Variants in COL25A1 observed in about 807,000 individuals in gnomAD.
COL25A1 encodes the protein collagen alpha-1(XXV) chain.
In COL25A1, 103 loss-of-function variants were observed where a neutral mutation model predicts 128.4. That is an observed-to-expected ratio of 0.80 (90% CI 0.68 to 0.94). The LOEUF is 0.94. COL25A1 is among the 40% of genes least tolerant of loss of function. The probability of loss-of-function intolerance (pLI) is 0.00; values close to 1 mark genes in which losing one functional copy is unlikely to be tolerated. For missense variants in COL25A1, 745 were observed against 840.0 expected, an observed-to-expected ratio of 0.89 and a Z score of 1.40; for synonymous variants, 279 against 277.2, an observed-to-expected ratio of 1.01 and a Z score of -0.06.
At chr4:108,990,336 A>G (rs1366057575) in intron 6 of COL25A1, among the ~76,000 whole-genome samples, 1 of 148,602 alleles carries the variant, frequency 6.7e-6, no homozygotes, top group East Asian at 2.0e-4. Context: ...ATACATCACA[A>G]AATTTAAAAG....
intron 32 of COL25A1, among the ~76,000 whole-genome samples, chr4:108,829,134 T>A (rs1180237018): frequency 6.6e-6 from 1 of 152,206 alleles, no homozygotes; most frequent in Non-Finnish European, 1.5e-5. Flanking sequence ...AGAAGGGAAT[T>A]TCCTTAATTT....
intron 6 of COL25A1, among the ~76,000 whole-genome samples, chr4:108,985,890 T>A (rs368654181): frequency 6.6e-6 from 1 of 152,232 alleles, no homozygotes; most frequent in Admixed American, 6.5e-5. Context: ...AGCCAACATA[T>A]ACTATCATCA....
intron 3 of COL25A1, among the ~76,000 whole-genome samples, chr4:109,166,953 T>C (rs1258084987): frequency 6.6e-6 from 1 of 152,178 alleles, no homozygotes; most frequent in African/African-American, 2.4e-5. Flanking sequence ...AAAGTACTTA[T>C]AGGGTGGTGG....
At chr4:109,183,522 A>T (rs999636785) in intron 3 of COL25A1, among the ~76,000 whole-genome samples, 1 of 152,148 alleles carries the variant, frequency 6.6e-6, no homozygotes, top group African/African-American at 2.4e-5. Context: ...CCATACTCCA[A>T]GTGATTTCAA....
At chr4:109,061,849 A>G (rs1361504718) in intron 3 of COL25A1, among the ~76,000 whole-genome samples, 3 of 152,200 alleles carry the variant, frequency 2.0e-5, no homozygotes, top group African/African-American at 7.2e-5. Flanking sequence ...GTTTCCCCAT[A>G]TGATTTCATA....
rs70949064 is a variant in COL25A1 at position 109,020,506 on chromosome 4, TGGGG to T, written c.421-10135_421-10132del. 2.4e-3 allele frequency among the ~76,000 whole-genome samples: 294 copies of T among 123,918 alleles called. 6 individuals are homozygous for T. Among genetic ancestry groups the T allele is most frequent in the African/African-American group, 7.3e-3 (248 of 33,792 alleles). The allele number at this position is 123,918 out of a possible 152,430, so 81.3% of individuals were successfully genotyped here. A position where few individuals can be genotyped will look rare whatever the true frequency, so the allele number is the denominator to read the frequency against. On this transcript the variant is annotated intron_variant, in intron 5 of 37. Coordinates refer to ENST00000399132, the MANE Select transcript of COL25A1 (RefSeq NM_198721.4). Reference sequence around the variant, plus strand: ...GCAAGAATGAGCATGGAGATTATTATGGGGGGGGGGGGGTTCAACATAAAAAACA... The same window carrying T: ...GCAAGAATGAGCATGGAGATTATTATGGGGGGGGGTTCAACATAAAAAACA...
intron 34 of COL25A1, among the ~76,000 whole-genome samples, chr4:108,824,513 T>C (rs113234143): frequency 5.3e-5 from 8 of 152,316 alleles, no homozygotes; most frequent in Admixed American, 2.0e-4. Context: ...TTGTGCAGAT[T>C]TGGGCAAATC....
rs949836235 is a variant in COL25A1 at position 109,204,045 on chromosome 4, A to G, written c.367+96538T>C. Among the ~76,000 whole-genome samples the G allele has an allele frequency of 4.6e-5, 7 of 152,280 alleles. No individual in the cohort carries two copies. The East Asian group carries it at 1.4e-3, about 29-fold the overall frequency. On this transcript the variant is annotated intron_variant, in intron 3 of 37. Coordinates refer to ENST00000399132, the MANE Select transcript of COL25A1 (RefSeq NM_198721.4). ...AAAACTTATAATACACACTTTTTAA[A>G]ATAAAAAAGTAGTTCTGCAAGCTTA...
intron 3 of COL25A1, among the ~76,000 whole-genome samples, chr4:109,174,660 C>T (rs1384203337): frequency 6.6e-6 from 1 of 152,162 alleles, no homozygotes; most frequent in Non-Finnish European, 1.5e-5. Context: ...TCCCATGTTG[C>T]GTTATTGTGT....
intron 3 of COL25A1, among the ~76,000 whole-genome samples, chr4:109,282,379 C>T (rs747679322): frequency 6.6e-6 from 1 of 151,990 alleles, no homozygotes; most frequent in African/African-American, 2.4e-5. Context: ...CAATGTTTTC[C>T]CCTCTATGGC....
At chr4:109,062,969 A>G (rs1042038740) in intron 3 of COL25A1, among the ~76,000 whole-genome samples, 36 of 152,248 alleles carry the variant, frequency 2.4e-4, no homozygotes, top group Admixed American at 5.2e-4. Context: ...TTTTAAGTCA[A>G]AGAATAGCCA....
chr4:108,862,652 CTT>C, intron 21 of COL25A1, 107 bp from the exon 22 acceptor site: 1 of 902,468 alleles, frequency 1.1e-6, no homozygotes, highest in Admixed American at 1.9e-5. Context: ...AATGGAAACA[CTT>C]TATTTTAACT....
intron 32 of COL25A1, among the ~76,000 whole-genome samples, chr4:108,831,622 A>T (rs1733110291): frequency 6.6e-6 from 1 of 152,108 alleles, no homozygotes; most frequent in South Asian, 2.1e-4. Flanking sequence ...ACACACAAAA[A>T]TAATTCTAAG....
chr4:109,154,389 C>T (rs1296408858), intron 3 of COL25A1, among the ~76,000 whole-genome samples: 1 of 152,192 alleles, frequency 6.6e-6, no homozygotes, highest in Non-Finnish European at 1.5e-5. Context: ...AGTCCTCTGC[C>T]ACTCAGGAGC....
chr4:109,115,721 A>G (rs1270682977), intron 3 of COL25A1, among the ~76,000 whole-genome samples: 2 of 152,036 alleles, frequency 1.3e-5, no homozygotes, highest in Non-Finnish European at 2.9e-5. Context: ...TCCAGAGGCC[A>G]GTGTACAGAC....
At chr4:109,207,401 G>A (rs1777100822) in intron 3 of COL25A1, among the ~76,000 whole-genome samples, 1 of 152,064 alleles carries the variant, frequency 6.6e-6, no homozygotes, top group African/African-American at 2.4e-5. Flanking sequence ...ATCAGAGCTG[G>A]AGTGATTTGC....
intron 18 of COL25A1, among the ~76,000 whole-genome samples, chr4:108,886,172 T>TTTGAAACTATTTTGAAAGG (rs1421745364): frequency 1.3e-5 from 2 of 152,230 alleles, no homozygotes; most frequent in Non-Finnish European, 1.5e-5. Context: ...GTTTTCATAT[T>TTTGAAACTATTTTGAAAGG]TCATAATTTG....
At chr4:108,984,756 G>C (rs1275101458) in intron 6 of COL25A1, among the ~76,000 whole-genome samples, 2 of 152,220 alleles carry the variant, frequency 1.3e-5, no homozygotes, top group African/African-American at 4.8e-5. Context: ...CCCACAAGCT[G>C]AGGGAGCCGG....
At chr4:109,149,418 G>C (rs1771258451) in intron 3 of COL25A1, among the ~76,000 whole-genome samples, 1 of 152,154 alleles carries the variant, frequency 6.6e-6, no homozygotes, top group East Asian at 1.9e-4. Context: ...GGGTCTTACT[G>C]TGTTGCCCAG....
Sources: allele counts gnomAD v4.1 joint callset (sites outside exome capture counted in the v4.1 genomes callset), GRCh38; gene constraint gnomAD v4.1.1; transcripts MANE v1.5; gene names NCBI Gene and HGNC (gene_info 2026-07-23, HGNC 2026-07-21).